PCDH11Y: variants seen among roughly 807,000 people sequenced by gnomAD.
PCDH11Y encodes the protein protocadherin-11 Y-linked.
For synonymous variants in PCDH11Y, 9 were observed against 83.6 expected, an observed-to-expected ratio of 0.11 and a Z score of 4.87; for missense variants, 12 against 224.8, an observed-to-expected ratio of 0.05 and a Z score of 6.05.
intron 3 of PCDH11Y, among the ~76,000 whole-genome samples, chrY:5,040,253 G>A (rs2124622810): frequency 3.1e-5 from 1 of 32,555 alleles, no homozygotes; most frequent in South Asian, 6.9e-4. Flanking sequence ...TTAGTATGAT[G>A]GCATTTCAAT....
At chrY:5,177,670 C>A in intron 2 of PCDH11Y, among the ~76,000 whole-genome samples, 1 of 31,977 alleles carries the variant, frequency 3.1e-5, no homozygotes, top group Non-Finnish European at 7.6e-5. Flanking sequence ...CAATTGAACT[C>A]ATGGACTTGG....
At chrY:5,265,250 G>T (rs2053024142) in intron 2 of PCDH11Y, among the ~76,000 whole-genome samples, 2 of 32,594 alleles carry the variant, frequency 6.1e-5, no homozygotes, top group Admixed American at 2.8e-4. Context: ...TGCTTTTTTT[G>T]TGTGTGTAGT....
chrY:5,582,974 C>G, intron 4 of PCDH11Y, among the ~76,000 whole-genome samples: 1 of 33,062 alleles, frequency 3.0e-5, no homozygotes, highest in African/African-American at 1.2e-4. Context: ...GGAGTTTCCC[C>G]AAAGTGTTCT....
At chrY:5,326,712 TAAG>T (rs2053121208) in intron 2 of PCDH11Y, among the ~76,000 whole-genome samples, 1 of 32,410 alleles carries the variant, frequency 3.1e-5, no homozygotes, top group African/African-American at 1.2e-4. Flanking sequence ...TTGTGGGACT[TAAG>T]AAAGTGTGAG....
chrY:5,713,632 G>A, intron 4 of PCDH11Y, among the ~76,000 whole-genome samples: 1 of 30,795 alleles, frequency 3.2e-5, no homozygotes, highest in Non-Finnish European at 7.8e-5. Flanking sequence ...AATCATGGCT[G>A]TTTTGAGACT....
intron 3 of PCDH11Y, among the ~76,000 whole-genome samples, chrY:5,513,874 A>G: frequency 6.5e-5 from 2 of 30,725 alleles, no homozygotes; most frequent in African/African-American, 2.5e-4. Context: ...TAGCTATTCA[A>G]TGTGGATATA....
At chrY:5,035,738 T>G in intron 3 of PCDH11Y, among the ~76,000 whole-genome samples, 1 of 32,834 alleles carries the variant, frequency 3.0e-5, no homozygotes, top group Non-Finnish European at 7.5e-5. Flanking sequence ...TAATAATATC[T>G]ATAGATAAAT....
chrY:5,226,231 G>A, intron 2 of PCDH11Y, among the ~76,000 whole-genome samples: 1 of 29,298 alleles, frequency 3.4e-5, no homozygotes, highest in Non-Finnish European at 8.0e-5. Flanking sequence ...GGCTGGTCTC[G>A]AACTCCCGAC....
At chrY:5,223,601 A>G (rs2052956341) in intron 2 of PCDH11Y, among the ~76,000 whole-genome samples, 2 of 32,021 alleles carry the variant, frequency 6.2e-5, no homozygotes, top group Non-Finnish European at 7.6e-5. Flanking sequence ...CACTACAGGC[A>G]TGCCCCACCA....
chrY:5,468,657 A>T lies in PCDH11Y; in HGVS notation c.3130-32400A>T, dbSNP rs202205328. Among the ~76,000 whole-genome samples, 267 of 27,060 alleles carry T rather than the reference A, an allele frequency of 9.9e-3. No individual in the cohort carries two copies. The Middle Eastern group carries it at 0.2, about 21-fold the overall frequency. 72.6% of individuals were successfully genotyped at this position (27,060 alleles called of 37,273 possible). On this transcript the variant is annotated intron_variant, in intron 2 of 4. Transcript: ENST00000400457. Reference sequence around the variant, plus strand: ...AATCACCCAAGGCCTCACTTTTTTTAAAAAAAAAAAAGCCTGATAACTTAT... The same window carrying T: ...AATCACCCAAGGCCTCACTTTTTTTTAAAAAAAAAAAGCCTGATAACTTAT...
In PCDH11Y at chrY:5,290,915, G is replaced by A; in HGVS notation, c.3129+190208G>A. ...TGTTCCTTGTGATCAGGATGGGTTTGGCTATTATGAGTCACTTGTGATTCC... is the reference window on the plus strand; with the variant it reads ...TGTTCCTTGTGATCAGGATGGGTTTAGCTATTATGAGTCACTTGTGATTCC... On this transcript the variant is annotated intron_variant, in intron 2 of 4. Transcript: ENST00000400457. 3.8e-4 allele frequency among the ~76,000 whole-genome samples: 6 copies of A among 15,820 alleles called. No homozygotes were observed. In the Middle Eastern group the frequency reaches 0.12, roughly 316 times the overall value. The allele number at this position is 15,820 out of a possible 37,273, so 42.4% of individuals were successfully genotyped here.
intron 2 of PCDH11Y, among the ~76,000 whole-genome samples, chrY:5,232,990 C>T: frequency 3.1e-5 from 1 of 32,258 alleles, no homozygotes; most frequent in Non-Finnish European, 7.5e-5. Context: ...TTCAGCGCCT[C>T]ACGATTGCTG....
At chrY:5,489,904 A>G in intron 2 of PCDH11Y, among the ~76,000 whole-genome samples, 1 of 32,412 alleles carries the variant, frequency 3.1e-5, no homozygotes, top group Non-Finnish European at 7.5e-5. Flanking sequence ...AGATGTCTAT[A>G]GAATAAAAAT....
At chrY:5,484,959 A>C in intron 2 of PCDH11Y, among the ~76,000 whole-genome samples, 1 of 33,573 alleles carries the variant, frequency 3.0e-5, no homozygotes, top group East Asian at 7.9e-4. Context: ...CAGTACAAAA[A>C]GGATATCTTT....
At chrY:5,386,222 G>A (rs1602916995) in intron 2 of PCDH11Y, among the ~76,000 whole-genome samples, 15 of 33,374 alleles carry the variant, frequency 4.5e-4, no homozygotes, top group Admixed American at 1.7e-3. Context: ...CTGATAAATC[G>A]GCTGTTAATC....
At chrY:5,374,407 CTCTA>C in intron 2 of PCDH11Y, among the ~76,000 whole-genome samples, 1 of 27,343 alleles carries the variant, frequency 3.7e-5, no homozygotes. Flanking sequence ...CTCACTCTCT[CTCTA>C]TGTGTGTGTG....
intron 4 of PCDH11Y, among the ~76,000 whole-genome samples, chrY:5,588,782 C>T (rs2053458147): frequency 3.0e-5 from 1 of 32,798 alleles, no homozygotes; most frequent in Non-Finnish European, 7.5e-5. Flanking sequence ...TTATTTTTGA[C>T]CTTTGGGAGT....
At chrY:5,473,137 G>A in intron 2 of PCDH11Y, among the ~76,000 whole-genome samples, 1 of 31,308 alleles carries the variant, frequency 3.2e-5, no homozygotes. Context: ...CTGATAACTT[G>A]TAATATGCCA....
chrY:5,007,058 T>C, intron 1 of PCDH11Y, among the ~76,000 whole-genome samples: 2 of 33,805 alleles, frequency 5.9e-5, no homozygotes, highest in African/African-American at 2.3e-4. Flanking sequence ...AGAGTATTTT[T>C]CAATTACTGT....
Sources: gnomAD v4.1 joint callset for allele counts (sites outside exome capture counted in the v4.1 genomes callset) on GRCh38, gnomAD v4.1.1 for gene constraint, MANE v1.5 for transcripts, NCBI Gene and HGNC (gene_info 2026-07-23, HGNC 2026-07-21) for gene names.